The following PCNX2 variants were observed in gnomAD, a reference collection of about 807,000 sequenced individuals.
PCNX2 encodes pecanex-like protein 2.
In PCNX2, 168 loss-of-function variants were observed where a neutral mutation model predicts 223.8. That is an observed-to-expected ratio of 0.75 (90% CI 0.66 to 0.85). The LOEUF is 0.85. Among genes scored for constraint, PCNX2 ranks in the 40% least tolerant of loss-of-function variants. PCNX2 has a pLI of 0.00. For synonymous variants in PCNX2, 1,006 were observed against 1,052.6 expected (o/e 0.96, Z 0.86); for missense variants, 2,507 against 2,675.5 (o/e 0.94, Z 1.39).
At chr1:233,087,277 G>A in intron 23 of PCNX2, 1 of 917,188 alleles carries the variant, frequency 1.1e-6, no homozygotes, top group African/African-American at 1.8e-5. Flanking sequence ...AAAGAAAGAG[G>A]AAGCCAGGAG....
At chr1:233,275,258 C>T (rs760277760) in intron 1 of PCNX2, among the ~76,000 whole-genome samples, 4 of 152,082 alleles carry the variant, frequency 2.6e-5, no homozygotes, top group Non-Finnish European at 4.4e-5. Context: ...GGCTGGAGTG[C>T]GTGGTGAGAT....
At chr1:233,015,420 C>T (rs531342522) in intron 27 of PCNX2, among the ~76,000 whole-genome samples, 150 of 152,208 alleles carry the variant, frequency 9.9e-4, no homozygotes, top group African/African-American at 3.4e-3. Context: ...GCCAGGTGGC[C>T]GGGCGCGGTG....
At chr1:232,992,726 C>A (rs1669744931) in intron 32 of PCNX2, among the ~76,000 whole-genome samples, 1 of 152,184 alleles carries the variant, frequency 6.6e-6, no homozygotes, top group African/African-American at 2.4e-5. Flanking sequence ...GAATTGTAAT[C>A]CCCATGTGTT....
intron 8 of PCNX2, among the ~76,000 whole-genome samples, chr1:233,245,902 G>A (rs945942882): frequency 6.6e-6 from 1 of 151,520 alleles, no homozygotes; most frequent in Non-Finnish European, 1.5e-5. Context: ...GGTGACAGAC[G>A]GAGACTCTAT....
intron 25 of PCNX2, among the ~76,000 whole-genome samples, chr1:233,047,101 C>A (rs1671849748): frequency 6.6e-6 from 1 of 152,196 alleles, no homozygotes; most frequent in African/African-American, 2.4e-5. Context: ...GGCAGCCAGC[C>A]TCTAGACCTC....
At chr1:233,086,644 C>T (rs1363850707) in intron 23 of PCNX2, among the ~76,000 whole-genome samples, 1 of 151,862 alleles carries the variant, frequency 6.6e-6, no homozygotes, top group Non-Finnish European at 1.5e-5. Context: ...GCACTCCAGC[C>T]TGGGCAATAG....
intron 8 of PCNX2, among the ~76,000 whole-genome samples, chr1:233,248,606 A>C (rs568358717): frequency 1.3e-5 from 2 of 151,684 alleles, no homozygotes; most frequent in Non-Finnish European, 2.9e-5. Flanking sequence ...TTATCTAGAC[A>C]CTCCTGAAGA....
chr1:233,319,291 A>G, the PCNX2 span, among the ~76,000 whole-genome samples: 1 of 152,122 alleles, frequency 6.6e-6, no homozygotes, highest in African/African-American at 2.4e-5. Flanking sequence ...TTCACCACCA[A>G]TTCCCGTGGC....
chr1:233,107,306 T>C (rs12758158), intron 21 of PCNX2, among the ~76,000 whole-genome samples: 1 of 152,158 alleles, frequency 6.6e-6, no homozygotes, highest in Non-Finnish European at 1.5e-5. Context: ...AGGAATCACT[T>C]GAGCCCTGGA....
intron 23 of PCNX2, among the ~76,000 whole-genome samples, chr1:233,071,790 G>A (rs1478960178): frequency 6.6e-6 from 1 of 152,042 alleles, no homozygotes; most frequent in Non-Finnish European, 1.5e-5. Flanking sequence ...CTTTTTCTCT[G>A]CAACTTCCCA....
intron 25 of PCNX2, among the ~76,000 whole-genome samples, chr1:233,041,328 CA>C (rs1671637539): frequency 6.6e-6 from 1 of 152,122 alleles, no homozygotes; most frequent in South Asian, 2.1e-4. Context: ...TTCAAAAATC[CA>C]AAATCTTAAA....
chr1:233,193,051 A>ATATAT (rs60281329), intron 15 of PCNX2, among the ~76,000 whole-genome samples: 12,807 of 147,112 alleles, frequency 0.087, 1,306 homozygotes, highest in African/African-American at 0.25. Flanking sequence ...TATAAAATTT[A>ATATAT]TATATTATTA....
At position 233,012,890 on chromosome 1, in the gene PCNX2, CAA is replaced by C. The variant is rs3834023; in HGVS notation, c.4952+1773_4952+1774del. 2.0e-4 allele frequency among the ~76,000 whole-genome samples: 30 copies of C among 152,284 alleles called. No individual in the cohort carries two copies. In the East Asian group the frequency reaches 5.4e-3, roughly 27 times the overall value. On this transcript the variant is annotated intron_variant, in intron 28 of 33. Transcript: ENST00000258229. ...ATCTTCCCAGGTGCTACGAATATCT[CAA>C]GAGTCATTTTGTGATTTCAAGTGCA...
At position 233,025,327 on chromosome 1, in the gene PCNX2, C is replaced by T; in HGVS notation, c.4424G>A (p.Cys1475Tyr). 1 of 1,613,992 alleles carries T rather than the reference C, an allele frequency of 6.2e-7. No individual in the cohort carries two copies. The highest frequency in any genetic ancestry group is 8.5e-7 in the Non-Finnish European group (1 of 1,179,878). Reference sequence around the variant, plus strand: ...CAGGTGAGGCAAGTGGCCTGGTTTGCAGCAGCAGCAGCCTCTGTCCTCCTC... The same window carrying T: ...CAGGTGAGGCAAGTGGCCTGGTTTGTAGCAGCAGCAGCCTCTGTCCTCCTC... The part of the protein sequence containing the change: ...GDEEDRGCCC[C>Y]KPGHLPHLLS... The change falls in exon 26 of 34, where the codon TGC becomes TAC. Residue 1475 changes from cysteine to tyrosine, a missense_variant. Transcript: ENST00000258229.
At chr1:233,101,427 A>G (rs75140691) in intron 21 of PCNX2, among the ~76,000 whole-genome samples, 2,519 of 152,284 alleles carry the variant, frequency 0.017, 57 homozygotes, top group African/African-American at 0.057. Flanking sequence ...AGTAAAAAAC[A>G]TCTTCAGACA....
intron 25 of PCNX2, among the ~76,000 whole-genome samples, chr1:233,049,417 C>T (rs1039048979): frequency 1.3e-5 from 2 of 151,954 alleles, no homozygotes; most frequent in African/African-American, 4.8e-5. Flanking sequence ...TGAAAAAAAC[C>T]TTTCAATAAA....
At chr1:233,143,281 C>T (rs924311439) in intron 19 of PCNX2, among the ~76,000 whole-genome samples, 2 of 152,144 alleles carry the variant, frequency 1.3e-5, no homozygotes, top group African/African-American at 2.4e-5. Flanking sequence ...GAAATCACTT[C>T]GGGGCAAAGC....
At chr1:233,134,499 C>T (rs529115737) in intron 21 of PCNX2, among the ~76,000 whole-genome samples, 26 of 152,164 alleles carry the variant, frequency 1.7e-4, no homozygotes, top group African/African-American at 6.3e-4. Flanking sequence ...AGACCCTGCT[C>T]TTGGGTACCA....
chr1:233,054,281 T>C lies in PCNX2; in HGVS notation c.4338A>G (p.Gly1446=), dbSNP rs772402151. The change falls in exon 25 of 34, where the codon GGA becomes GGG. Residue 1446 remains glycine (G), a synonymous_variant. Coordinates refer to ENST00000258229, the MANE Select transcript of PCNX2 (RefSeq NM_014801.4). ...GNGLVTFQLR[G]LEFRGTYCQQ... ...AGAAATTCTTACCTCGGAATTCCAGTCCTCGAAGTTGAAAGGTGACAAGAC... is the reference window on the plus strand; with the variant it reads ...AGAAATTCTTACCTCGGAATTCCAGCCCTCGAAGTTGAAAGGTGACAAGAC... 4 of 1,613,506 alleles carry C rather than the reference T, an allele frequency of 2.5e-6. 1 individual carries two copies. In the South Asian group the frequency reaches 3.3e-5, roughly 13 times the overall value.
Sources: gnomAD v4.1 joint callset for allele counts (sites outside exome capture counted in the v4.1 genomes callset) on GRCh38, gnomAD v4.1.1 for gene constraint, MANE v1.5 for transcripts, NCBI Gene and HGNC (gene_info 2026-07-23, HGNC 2026-07-21) for gene names.